Variants in DNAH8 observed in about 807,000 individuals in gnomAD.
DNAH8 encodes axonemal beta dynein heavy chain 8.
In DNAH8, 382 loss-of-function variants were observed where a neutral mutation model predicts 562.1. The observed-to-expected ratio is 0.68, with a 90% CI of 0.63 to 0.74. The LOEUF (loss-of-function observed/expected upper bound fraction) is 0.74. DNAH8 is among the 30% of genes least tolerant of loss of function. DNAH8 has a pLI of 0.00. For missense variants in DNAH8, 5,203 were observed against 5,620.4 expected (o/e 0.93, Z 2.37); for synonymous variants, 1,881 against 1,919.4 (o/e 0.98, Z 0.52).
chr6:38,931,976 A>G lies in DNAH8; in HGVS notation c.11440A>G (p.Ile3814Val). 1.9e-6 allele frequency: 3 copies of G among 1,594,770 alleles called. No homozygotes were observed. Among genetic ancestry groups the G allele is most frequent in the Non-Finnish European group, 2.6e-6 (3 of 1,171,896 alleles). Residue 3814 changes from isoleucine to valine, a missense_variant, in exon 76 of 93, where the codon ATT becomes GTT. By Grantham distance (29) the Ile-to-Val change is conservative. This residue lies in a region of DNAH8 where 1,399 missense variants were observed against 1,518.4 expected (regional missense o/e 0.92). Transcript: ENST00000327475. ...TGAGAATCAGTTACTAAGGAGAGTC[A>G]TTCTAACAGAGAAACAGGTAATCTC... ...GLENQLLRRV[I>V]LTEKQELEAE... is the part of the protein sequence containing the mutation.
chr6:39,025,729 A>G (rs544268382), intron 91 of DNAH8, among the ~76,000 whole-genome samples: 13 of 152,362 alleles, frequency 8.5e-5, no homozygotes, highest in Non-Finnish European at 1.3e-4. Context: ...TAGCGGGAAC[A>G]CACACATTAT....
intron 10 of DNAH8, among the ~76,000 whole-genome samples, chr6:38,759,866 G>A (rs950134126): frequency 6.6e-6 from 1 of 151,912 alleles, no homozygotes; most frequent in Non-Finnish European, 1.5e-5. Context: ...CTGCCCCTTG[G>A]CTATACATTC....
chr6:38,829,880 G>T (rs1351481365), intron 30 of DNAH8, among the ~76,000 whole-genome samples: 1 of 152,120 alleles, frequency 6.6e-6, no homozygotes, highest in Admixed American at 6.6e-5. Flanking sequence ...TTGCAAAACT[G>T]TTACTCTATT....
chr6:38,801,752 G>A (rs1770793471), intron 21 of DNAH8, among the ~76,000 whole-genome samples: 1 of 152,346 alleles, frequency 6.6e-6, no homozygotes, highest in African/African-American at 2.4e-5. Flanking sequence ...GGGACACCAT[G>A]TCTCCTGGGA....
Position 38,866,688 on chromosome 6 carries a change from G to A in DNAH8, c.6585+11G>A. The stretch of plus-strand genomic sequence containing the variant: ...GTTCCTGATAGACAGGTATGCACTA[G>A]GATTTAAAAGCATAATGTGCTTTAT... On this transcript the variant is annotated intron_variant, in intron 46 of 92. Coordinates refer to ENST00000327475, the MANE Select transcript of DNAH8 (RefSeq NM_001206927.2). 6.2e-7 allele frequency: 1 copy of A among 1,607,514 alleles called. No homozygotes were observed. Among genetic ancestry groups the A allele is most frequent in the Non-Finnish European group, 8.5e-7 (1 of 1,175,598 alleles).
intron 81 of DNAH8, among the ~76,000 whole-genome samples, chr6:38,950,360 G>A (rs1761796796): frequency 6.6e-6 from 1 of 151,888 alleles, no homozygotes; most frequent in Non-Finnish European, 1.5e-5. Context: ...CTTAGAAAAA[G>A]CTGTTTCTTA....
chr6:38,786,620 G>A (rs1159144130), intron 17 of DNAH8, 145 bp from the exon 18 acceptor site: 5 of 703,714 alleles, frequency 7.1e-6, no homozygotes, highest in African/African-American at 5.5e-5. Context: ...TGTGCCAGAC[G>A]CTGTGCCTTA....
chr6:38,909,319 T>C (rs1461642395), intron 64 of DNAH8, among the ~76,000 whole-genome samples, 199 bp from the exon 65 acceptor site: 1 of 152,210 alleles, frequency 6.6e-6, no homozygotes, highest in Non-Finnish European at 1.5e-5. Flanking sequence ...ATAATGTAGA[T>C]GTAGTCCCAG....
chr6:38,890,830 C>A, intron 58 of DNAH8, 69 bp downstream of exon 58: 2 of 1,069,922 alleles, frequency 1.9e-6, no homozygotes, highest in Non-Finnish European at 2.9e-6. Context: ...CACCTCGTGG[C>A]TCATTAAGTT....
At chr6:38,855,233 G>A (rs1444140681) in intron 41 of DNAH8, among the ~76,000 whole-genome samples, 3 of 151,854 alleles carry the variant, frequency 2.0e-5, no homozygotes, top group Non-Finnish European at 4.4e-5. Context: ...GATCCTTGCT[G>A]CAAAATTTTG....
Position 38,881,026 on chromosome 6 carries a change from C to CA in DNAH8, c.7859-1876dup, listed in dbSNP as rs1009502781. On this transcript the variant is annotated intron_variant, in intron 53 of 92. Transcript: ENST00000327475. Reference sequence around the variant, plus strand: ...TGGGCCACAGAGGCAGACCTTGCTTCAAAAAAAACAAAAACAAAACCCCGC... The same window carrying CA: ...TGGGCCACAGAGGCAGACCTTGCTTCAAAAAAAAACAAAAACAAAACCCCGC... 1.3e-3 allele frequency among the ~76,000 whole-genome samples: 204 copies of CA among 151,432 alleles called. 1 individual carries two copies. The highest frequency in any genetic ancestry group is 4.8e-3 in the African/African-American group (198 of 41,296).
At chr6:38,868,390 G>A (rs778025204) in intron 48 of DNAH8, among the ~76,000 whole-genome samples, 194 bp downstream of exon 48, 2 of 152,192 alleles carry the variant, frequency 1.3e-5, no homozygotes, top group South Asian at 2.1e-4. Flanking sequence ...TGGACTATAA[G>A]TGCCTCCTTT....
Position 38,775,939 on chromosome 6 carries a change from C to A in DNAH8, c.1950C>A (p.Ile650=). The part of the protein sequence containing the change: ...DTDFLDFMTK[I]NGLEVQIQAF... ...ATTTCTTAGATTTCATGACAAAAATCAATGGTTTAGAGGTAAGTAATTATA... is the reference window on the plus strand; with the variant it reads ...ATTTCTTAGATTTCATGACAAAAATAAATGGTTTAGAGGTAAGTAATTATA... The change falls in exon 13 of 93, where the codon ATC becomes ATA. Residue 650 remains isoleucine (I), a synonymous_variant. Transcript: ENST00000327475. 1 of 1,609,232 alleles carries A rather than the reference C, an allele frequency of 6.2e-7. No homozygotes were observed. The highest frequency in any genetic ancestry group is 1.1e-5 in the South Asian group (1 of 90,864).
In DNAH8 at chr6:38,849,938, C is replaced by A. The variant is rs570245692; in HGVS notation, c.5200-313C>A. Among the ~76,000 whole-genome samples the A allele has an allele frequency of 9.4e-4, 143 of 152,172 alleles. 1 individual carries two copies. The highest frequency in any genetic ancestry group is 6.8e-3 in the Middle Eastern group (2 of 294). ...AACCAAAACACCTGGGGTGCTGAAACACTAGATTGGAACTTTAAGTTGATA... is the reference window on the plus strand; with the variant it reads ...AACCAAAACACCTGGGGTGCTGAAAAACTAGATTGGAACTTTAAGTTGATA... On this transcript the variant is annotated intron_variant, in intron 37 of 92. Coordinates refer to ENST00000327475, the MANE Select transcript of DNAH8 (RefSeq NM_001206927.2).
chr6:38,747,970 C>T (rs1765100577), intron 8 of DNAH8, among the ~76,000 whole-genome samples: 1 of 152,152 alleles, frequency 6.6e-6, no homozygotes, highest in Non-Finnish European at 1.5e-5. Flanking sequence ...TCATTTGCTA[C>T]CTTTGTTTTT....
chr6:38,862,207 T>A (rs1424564190), intron 43 of DNAH8, 73 bp from the exon 44 acceptor site: 2 of 1,380,388 alleles, frequency 1.4e-6, no homozygotes, highest in Non-Finnish European at 2.0e-6. Flanking sequence ...CCAATCACAT[T>A]GGATTTTTGC....
chr6:39,004,450 A>G (rs540154580), intron 88 of DNAH8, among the ~76,000 whole-genome samples: 11 of 152,332 alleles, frequency 7.2e-5, no homozygotes, highest in African/African-American at 2.6e-4. Flanking sequence ...TCCTTTCTAA[A>G]GTATACTCCA....
At chr6:38,874,137 TTC>T (rs1229777712) in intron 52 of DNAH8, among the ~76,000 whole-genome samples, 1 of 133,168 alleles carries the variant, frequency 7.5e-6, no homozygotes. Flanking sequence ...CTTTCTTTCT[TTC>T]TCTTTCTCCT....
intron 20 of DNAH8, 38 bp downstream of exon 20, chr6:38,790,443 A>C: frequency 6.2e-6 from 6 of 964,406 alleles, no homozygotes; most frequent in Non-Finnish European, 8.1e-6. Context: ...CAACATATAT[A>C]CTCAGGATAT....
Sources: allele counts gnomAD v4.1 joint callset (sites outside exome capture counted in the v4.1 genomes callset), GRCh38; gene constraint gnomAD v4.1.1; regional missense constraint gnomAD v4.1.1; transcripts MANE v1.5; gene names NCBI Gene and HGNC (gene_info 2026-07-23, HGNC 2026-07-21).